The following FBN2 variants were observed in gnomAD, a reference collection of about 807,000 sequenced individuals.
The protein encoded by FBN2 is fibrillin 2, also known as fibrillin-2.
A neutral mutation model predicts 355.6 loss-of-function variants in FBN2; 105 were observed. The observed-to-expected ratio is 0.30, with a 90% confidence interval of 0.25 to 0.35. The LOEUF (loss-of-function observed/expected upper bound fraction) is 0.35. Ranked by LOEUF, FBN2 falls within the 10% of genes least tolerant of loss-of-function variation. FBN2 has a pLI of 1.00. For missense variants in FBN2, 3,280 were observed against 3,758.7 expected (o/e 0.87, Z 3.33); for synonymous variants, 1,350 against 1,301.2 (o/e 1.04, Z -0.81).
chr5:128,298,755 T>C (rs1473533120), intron 48 of FBN2, among the ~76,000 whole-genome samples: 3 of 152,128 alleles, frequency 2.0e-5, no homozygotes, highest in Non-Finnish European at 4.4e-5. Flanking sequence ...TTTTTCAAAG[T>C]TTTCAAGTTC....
chr5:128,345,872 C>G (rs1169241438), intron 23 of FBN2, among the ~76,000 whole-genome samples: 1 of 152,158 alleles, frequency 6.6e-6, no homozygotes, highest in Non-Finnish European at 1.5e-5. Flanking sequence ...GTATTGTTCA[C>G]TTTAGAAAAG....
chr5:128,366,368 TAG>T lies in FBN2; in HGVS notation c.2302+7_2302+8del. On this transcript the variant is annotated splice_region_variant and intron_variant, in intron 17 of 64. Transcript: ENST00000262464. ...TGATTATTATAAAGTTGAGATTAAC[TAG>T]AGTTACCTCTTCCATCCACAGTGAT... The T allele has an allele frequency of 6.5e-7, 1 of 1,539,944 alleles. No homozygotes were observed. The highest frequency in any genetic ancestry group is 9.0e-7 in the Non-Finnish European group (1 of 1,115,128).
chr5:128,281,986 G>A (rs544469954), intron 55 of FBN2, among the ~76,000 whole-genome samples: 9 of 152,200 alleles, frequency 5.9e-5, no homozygotes, highest in East Asian at 1.9e-4. Flanking sequence ...CACCGTGCCC[G>A]GCAGGTAATT....
chr5:128,316,628 A>G (rs1360816346), intron 36 of FBN2, among the ~76,000 whole-genome samples: 3 of 152,228 alleles, frequency 2.0e-5, no homozygotes, highest in African/African-American at 4.8e-5. Context: ...CCAGCAGAAC[A>G]GAATGCTCCT....
chr5:128,499,413 A>G (rs1581350565), intron 5 of FBN2, among the ~76,000 whole-genome samples: 2 of 152,166 alleles, frequency 1.3e-5, no homozygotes, highest in East Asian at 3.8e-4. Context: ...CTTATAGCAC[A>G]ATTACTTCGC....
rs201459526 is a variant in FBN2 at position 128,318,290 on chromosome 5, A to G, written c.4595-19T>C. 25 of 1,613,986 alleles carry G rather than the reference A, an allele frequency of 1.5e-5. No individual in the cohort carries two copies. Among genetic ancestry groups the G allele is most frequent in the Non-Finnish European group, 1.9e-5 (22 of 1,179,864 alleles). On this transcript the variant is annotated intron_variant, in intron 35 of 64. Coordinates refer to ENST00000262464, the MANE Select transcript of FBN2 (RefSeq NM_001999.4). ...TCAATATCTAGGAGAAGCATTTAAA[A>G]TGCCCAGGTTACCATTTTTACTTTT...
Position 128,361,809 on chromosome 5 carries a change from T to C in FBN2, c.2468A>G (p.Asn823Ser). Residue 823 changes from asparagine (N) to serine (S), a missense_variant, in exon 19 of 65, where the codon AAC (asparagine) becomes AGC (serine). Coordinates refer to ENST00000262464, the MANE Select transcript of FBN2 (RefSeq NM_001999.4). ...ECLVNRLLCD[N>S]GLCRNTPGSY... ...TCCTGGCGTGTTTCGGCACAATCCG[T>C]TATCACAAAGCAGTCTGTTTACTAA... 6.2e-7 allele frequency: 1 copy of C among 1,614,126 alleles called. No homozygotes were observed. The highest frequency in any genetic ancestry group is 8.5e-7 in the Non-Finnish European group (1 of 1,179,974).
At chr5:128,523,750 C>T (rs890322296) in intron 4 of FBN2, among the ~76,000 whole-genome samples, 1 of 151,970 alleles carries the variant, frequency 6.6e-6, no homozygotes, top group Admixed American at 6.6e-5. Flanking sequence ...AAAACCCTCT[C>T]CTTGTCACTT....
chr5:128,353,942 C>A (rs776670397), intron 20 of FBN2, among the ~76,000 whole-genome samples: 3 of 152,260 alleles, frequency 2.0e-5, no homozygotes, highest in South Asian at 2.1e-4. Context: ...CCCGCACCCC[C>A]CTACAGGCTC....
chr5:128,324,609 TTTTC>T lies in FBN2; in HGVS notation c.4471+4083_4471+4086del, dbSNP rs146271634. Among the ~76,000 whole-genome samples the T allele has an allele frequency of 9.7e-3, 1,459 of 150,484 alleles. 20 individuals are homozygous for T. Among genetic ancestry groups the T allele is most frequent in the African/African-American group, 0.034 (1,369 of 40,122 alleles). ...AGTTGTGCAGTTTTGAGTGAGTTTGTTTTCTTTTTCTTTTTTTTTTTTTTTGAGA... is the reference window on the plus strand; with the variant it reads ...AGTTGTGCAGTTTTGAGTGAGTTTGTTTTTTCTTTTTTTTTTTTTTTGAGA... On this transcript the variant is annotated intron_variant, in intron 34 of 64. Coordinates refer to ENST00000262464, the MANE Select transcript of FBN2 (RefSeq NM_001999.4).
intron 25 of FBN2, 24 bp downstream of exon 25, chr5:128,344,361 A>T: frequency 6.2e-7 from 1 of 1,613,732 alleles, no homozygotes; most frequent in Admixed American, 1.7e-5. Flanking sequence ...GAGTTTATCA[A>T]ATAAAACAGC....
intron 5 of FBN2, among the ~76,000 whole-genome samples, chr5:128,471,267 A>T (rs887332301): frequency 1.4e-4 from 21 of 152,072 alleles, no homozygotes; most frequent in African/African-American, 5.1e-4. Context: ...ATGTATTTCA[A>T]TGATGAGGTT....
At chr5:128,480,084 TAATA>T (rs1478264342) in intron 5 of FBN2, among the ~76,000 whole-genome samples, 1 of 141,556 alleles carries the variant, frequency 7.1e-6, no homozygotes, top group Non-Finnish European at 1.5e-5. Context: ...TCTCTATATA[TAATA>T]TATATATTCT....
chr5:128,403,974 ATC>A (rs371265388), intron 8 of FBN2, among the ~76,000 whole-genome samples: 7 of 152,332 alleles, frequency 4.6e-5, no homozygotes, highest in Admixed American at 1.3e-4. Flanking sequence ...CACTCAGAAT[ATC>A]TGTGTTAACT....
chr5:128,454,415 A>C (rs1754331855), intron 6 of FBN2, among the ~76,000 whole-genome samples: 1 of 152,254 alleles, frequency 6.6e-6, no homozygotes, highest in Non-Finnish European at 1.5e-5. Context: ...GTTAGACTTT[A>C]TAATGATCTC....
chr5:128,345,560 A>G lies in FBN2; in HGVS notation c.3014T>C (p.Leu1005Ser), dbSNP rs763724373. The part of the protein sequence containing the change: ...CLDIRMEQCY[L>S]KWDEDECIHP... ...GATGCATTCATCTTCATCCCACTTC[A>G]AGTAACACTGCTCCATGCGAATATC... Residue 1005 changes from leucine to serine, a missense_variant, in exon 24 of 65, where the codon TTG becomes TCG. By Grantham distance (145) the Leu-to-Ser change is moderately radical (BLOSUM62 -2). Transcript: ENST00000262464. The G allele has an allele frequency of 6.2e-7, 1 of 1,612,636 alleles. No homozygotes were observed. Among genetic ancestry groups the G allele is most frequent in the Non-Finnish European group, 8.5e-7 (1 of 1,179,422 alleles).
At chr5:128,446,729 G>C (rs1224727540) in intron 6 of FBN2, 123 bp from the exon 7 acceptor site, 4 of 1,000,182 alleles carry the variant, frequency 4.0e-6, no homozygotes, top group Non-Finnish European at 5.9e-6. Context: ...CAAGAGAGTG[G>C]GGTTAGAGAA....
intron 62 of FBN2, among the ~76,000 whole-genome samples, chr5:128,268,556 G>A (rs937742015): frequency 6.6e-6 from 1 of 152,128 alleles, no homozygotes; most frequent in African/African-American, 2.4e-5. Flanking sequence ...ACCAAAACCT[G>A]GCAGAAACAC....
intron 7 of FBN2, among the ~76,000 whole-genome samples, chr5:128,427,504 A>G (rs925280179): frequency 1.3e-5 from 2 of 152,108 alleles, no homozygotes; most frequent in African/African-American, 4.8e-5. Context: ...CTTTCTTCTA[A>G]AGTTCTTCTT....
Sources: gnomAD v4.1 joint callset for allele counts (sites outside exome capture counted in the v4.1 genomes callset) on GRCh38, gnomAD v4.1.1 for gene constraint, MANE v1.5 for transcripts, NCBI Gene and HGNC (gene_info 2026-07-23, HGNC 2026-07-21) for gene names.